Variants in PPP1R12B observed in about 807,000 individuals in gnomAD.
PPP1R12B encodes protein phosphatase 1 regulatory subunit 12B, also known as myosin phosphatase target subunit 2.
A neutral mutation model predicts 126.1 loss-of-function variants in PPP1R12B; 76 were observed. The observed-to-expected ratio is 0.60, with a 90% CI of 0.50 to 0.73. PPP1R12B has a LOEUF of 0.73. Among genes scored for constraint, PPP1R12B ranks in the 30% least tolerant of loss-of-function variants. The pLI, the probability that PPP1R12B is intolerant of heterozygous loss-of-function variation, is 0.00. For missense variants in PPP1R12B, 1,052 were observed against 1,205.1 expected (o/e 0.87, Z 1.88); for synonymous variants, 356 against 434.7 (o/e 0.82, Z 2.25).
intron 10 of PPP1R12B, chr1:202,439,451 G>C: frequency 7.2e-7 from 1 of 1,387,042 alleles, no homozygotes; most frequent in Non-Finnish European, 1.0e-6. Flanking sequence ...CCAGCTGGCT[G>C]CCCGCCAAGT....
chr1:202,548,808 C>CTATATATA lies in PPP1R12B; in HGVS notation c.2491-10048_2491-10041dup, dbSNP rs370219273. 1.6e-3 allele frequency among the ~76,000 whole-genome samples: 115 copies of CTATATATA among 72,968 alleles called. 1 individual carries two copies. Among genetic ancestry groups the CTATATATA allele is most frequent in the Non-Finnish European group, 2.6e-3 (95 of 36,182 alleles). The allele number at this position is 72,968 out of a possible 152,430, so 47.9% of individuals were successfully genotyped here. A position where few individuals can be genotyped will look rare whatever the true frequency, so the allele number is the denominator to read the frequency against. ...TCTCTCTCTCTCTCTCTCTCTCTCT[C>CTATATATA]TATATATATATATATATATATATAT... On this transcript the variant is annotated intron_variant, in intron 18 of 23. Coordinates refer to ENST00000608999, the MANE Select transcript of PPP1R12B (RefSeq NM_002481.4).
At chr1:202,472,230 G>A (rs1676025784) in intron 13 of PPP1R12B, 1 of 463,540 alleles carries the variant, frequency 2.2e-6, no homozygotes, top group Admixed American at 4.0e-5. Context: ...GTCTTTTAAT[G>A]TCTATATTTT....
At chr1:202,567,896 T>C in intron 22 of PPP1R12B, 65 bp downstream of exon 22, 3 of 1,565,334 alleles carry the variant, frequency 1.9e-6, no homozygotes, top group Non-Finnish European at 2.6e-6. Context: ...TCTCCCACTT[T>C]GTTATTCATG....
At chr1:202,392,806 G>T (rs1245358557) in intron 1 of PPP1R12B, among the ~76,000 whole-genome samples, 2 of 152,010 alleles carry the variant, frequency 1.3e-5, no homozygotes, top group African/African-American at 2.4e-5. Context: ...GGGATTACAG[G>T]CATGAGCCAC....
intron 19 of PPP1R12B, among the ~76,000 whole-genome samples, chr1:202,561,441 C>T (rs143767064): frequency 6.6e-6 from 1 of 150,682 alleles, no homozygotes; most frequent in African/African-American, 2.4e-5. Context: ...AAGATGTCCA[C>T]GGTCATAGTG....
intron 18 of PPP1R12B, among the ~76,000 whole-genome samples, chr1:202,541,979 C>T (rs376357123): frequency 6.6e-6 from 1 of 152,192 alleles, no homozygotes; most frequent in Non-Finnish European, 1.5e-5. Flanking sequence ...CATCAACTTA[C>T]TCTAACCAAC....
intron 1 of PPP1R12B, among the ~76,000 whole-genome samples, chr1:202,401,039 A>G (rs1441519684): frequency 6.6e-6 from 1 of 152,194 alleles, no homozygotes; most frequent in Non-Finnish European, 1.5e-5. Flanking sequence ...TGAAATTCAG[A>G]TTTTTAGTGT....
At chr1:202,480,564 C>T (rs551734964) in intron 13 of PPP1R12B, among the ~76,000 whole-genome samples, 1 of 152,012 alleles carries the variant, frequency 6.6e-6, no homozygotes, top group Non-Finnish European at 1.5e-5. Flanking sequence ...TATTTGTTGC[C>T]AATTAAAAAT....
At chr1:202,391,450 C>T (rs976672895) in intron 1 of PPP1R12B, among the ~76,000 whole-genome samples, 1 of 152,066 alleles carries the variant, frequency 6.6e-6, no homozygotes, top group African/African-American at 2.4e-5. Context: ...GATGGGGCAG[C>T]CGCTGAAAAA....
chr1:202,524,578 A>G (rs1683120070), intron 18 of PPP1R12B, among the ~76,000 whole-genome samples: 1 of 152,100 alleles, frequency 6.6e-6, no homozygotes, highest in Non-Finnish European at 1.5e-5. Context: ...TTTCGTCCTC[A>G]TAGCTTAGCT....
intron 1 of PPP1R12B, among the ~76,000 whole-genome samples, chr1:202,350,982 A>C (rs1228120628): frequency 2.0e-5 from 3 of 152,096 alleles, no homozygotes; most frequent in African/African-American, 7.2e-5. Context: ...TTTAACATCT[A>C]TAAATGCAAT....
At chr1:202,387,694 TC>T in intron 1 of PPP1R12B, among the ~76,000 whole-genome samples, 1 of 152,308 alleles carries the variant, frequency 6.6e-6, no homozygotes, top group African/African-American at 2.4e-5. Flanking sequence ...CCCTATTTGA[TC>T]CGTTTCTGCC....
chr1:202,402,774 G>T (rs1666034758), intron 1 of PPP1R12B, among the ~76,000 whole-genome samples: 1 of 152,148 alleles, frequency 6.6e-6, no homozygotes, highest in African/African-American at 2.4e-5. Flanking sequence ...ACAGTGAGGG[G>T]TAACATATAC....
chr1:202,507,163 T>G (rs1680902102), intron 18 of PPP1R12B, among the ~76,000 whole-genome samples: 1 of 152,196 alleles, frequency 6.6e-6, no homozygotes, highest in South Asian at 2.1e-4. Context: ...GCTCTTAGTT[T>G]TATTTATCCC....
At chr1:202,578,959 A>G (rs146853241) in intron 23 of PPP1R12B, among the ~76,000 whole-genome samples, 11 of 152,348 alleles carry the variant, frequency 7.2e-5, no homozygotes, top group African/African-American at 2.6e-4. Flanking sequence ...AGTCAGGCAC[A>G]CTGGGATTCA....
Position 202,427,140 on chromosome 1 carries a change from A to T in PPP1R12B, c.802A>T (p.Ile268Phe). Residue 268 changes from isoleucine to phenylalanine, a missense_variant, in exon 5 of 24, where the codon ATC becomes TTC. Ile to Phe is a conservative substitution (Grantham distance 21). Coordinates refer to ENST00000608999, the MANE Select transcript of PPP1R12B (RefSeq NM_002481.4). ...CTGGGGAGTGAAGGAGGCTTGCTCCATCCTGGCAGAAGCACTTTGTGACAT... is the reference window on the plus strand; with the variant it reads ...CTGGGGAGTGAAGGAGGCTTGCTCCTTCCTGGCAGAAGCACTTTGTGACAT... ...AHWGVKEACSILAEALCDMDI... is the reference protein window; with the variant it reads ...AHWGVKEACSFLAEALCDMDI... The T allele has an allele frequency of 6.2e-7, 1 of 1,614,190 alleles. No individual in the cohort carries two copies. Among genetic ancestry groups the T allele is most frequent in the South Asian group, 1.1e-5 (1 of 91,078 alleles).
chr1:202,391,378 G>T (rs1235007795), intron 1 of PPP1R12B, among the ~76,000 whole-genome samples: 2 of 152,072 alleles, frequency 1.3e-5, no homozygotes, highest in African/African-American at 4.8e-5. Context: ...GTCAAATAAT[G>T]ACAAGTATTG....
At chr1:202,535,051 G>T (rs957688072) in intron 18 of PPP1R12B, among the ~76,000 whole-genome samples, 1 of 150,968 alleles carries the variant, frequency 6.6e-6, no homozygotes, top group African/African-American at 2.4e-5. Flanking sequence ...ATGTGTGTGT[G>T]TGTATGTGTG....
At chr1:202,444,064 T>C (rs528729477) in intron 12 of PPP1R12B, among the ~76,000 whole-genome samples, 4 of 152,226 alleles carry the variant, frequency 2.6e-5, no homozygotes, top group Non-Finnish European at 5.9e-5. Context: ...AAACCTCTTA[T>C]GGTCTTTTTA....
Sources: gnomAD v4.1 joint callset for allele counts (sites outside exome capture counted in the v4.1 genomes callset) on GRCh38, gnomAD v4.1.1 for gene constraint, MANE v1.5 for transcripts, NCBI Gene and HGNC (gene_info 2026-07-23, HGNC 2026-07-21) for gene names.